Variants in UNC5C observed in about 807,000 individuals in gnomAD.
UNC5C encodes the protein netrin receptor UNC5C.
A neutral mutation model predicts 99.8 loss-of-function variants in UNC5C; 47 were observed. The observed-to-expected ratio is 0.47, with a 90% confidence interval of 0.37 to 0.60. The LOEUF (loss-of-function observed/expected upper bound fraction) is 0.60. Ranked by LOEUF, UNC5C falls within the 20% of genes least tolerant of loss-of-function variation. The pLI, the probability that UNC5C is intolerant of heterozygous loss-of-function variation, is 0.00. For missense variants in UNC5C, 1,062 were observed against 1,165.9 expected, an observed-to-expected ratio of 0.91 and a Z score of 1.30; for synonymous variants, 487 against 452.2, an observed-to-expected ratio of 1.08 and a Z score of -0.98.
At chr4:95,344,255 G>A (rs1299968791) in intron 1 of UNC5C, among the ~76,000 whole-genome samples, 1 of 151,980 alleles carries the variant, frequency 6.6e-6, no homozygotes, top group Non-Finnish European at 1.5e-5. Context: ...ACTTCTCAGT[G>A]GAAACTTTAC....
At chr4:95,385,889 G>T (rs6830864) in intron 1 of UNC5C, among the ~76,000 whole-genome samples, 85,709 of 151,976 alleles carry the variant, frequency 0.56, 24,414 homozygotes, top group East Asian at 0.7. Context: ...ATCAAGCTCT[G>T]TTATAGCATG....
rs945268234 is a variant in UNC5C, at chr4:95,242,216, T to C, written c.1108+213A>G. On this transcript the variant is annotated intron_variant, in intron 7 of 15. Transcript: ENST00000453304. ...ACCCTTGCTCATGAAAAAGCAATAT[T>C]GCATGCCATTTGTTAGCCGGACATA... 3.3e-5 allele frequency among the ~76,000 whole-genome samples: 5 copies of C among 152,332 alleles called. No individual in the cohort carries two copies. In the East Asian group the frequency reaches 9.6e-4, roughly 29 times the overall value.
intron 1 of UNC5C, among the ~76,000 whole-genome samples, chr4:95,355,614 C>G (rs377690971): frequency 6.6e-6 from 1 of 151,876 alleles, no homozygotes; most frequent in Non-Finnish European, 1.5e-5. Flanking sequence ...GCGCCCCACC[C>G]CCCCAGCATG....
intron 1 of UNC5C, among the ~76,000 whole-genome samples, chr4:95,455,186 C>G (rs1010479337): frequency 2.0e-5 from 3 of 151,970 alleles, no homozygotes; most frequent in African/African-American, 7.2e-5. Flanking sequence ...TCACAGAGGT[C>G]AATATTCAAA....
intron 2 of UNC5C, among the ~76,000 whole-genome samples, chr4:95,312,063 A>G (rs1263492543): frequency 6.6e-6 from 1 of 152,084 alleles, no homozygotes; most frequent in African/African-American, 2.4e-5. Context: ...CAAACAAACA[A>G]ACAAAAACAA....
At chr4:95,443,611 C>G (rs977406876) in intron 1 of UNC5C, among the ~76,000 whole-genome samples, 3 of 152,076 alleles carry the variant, frequency 2.0e-5, no homozygotes, top group Non-Finnish European at 4.4e-5. Flanking sequence ...GAAAATTTGA[C>G]ATTTAAAAAT....
intron 1 of UNC5C, among the ~76,000 whole-genome samples, chr4:95,465,520 T>A (rs970843299): frequency 6.6e-6 from 1 of 151,896 alleles, no homozygotes; most frequent in Non-Finnish European, 1.5e-5. Context: ...AGGTGTTTCT[T>A]TTCTTCCATG....
chr4:95,342,488 G>A (rs903594004), intron 1 of UNC5C, among the ~76,000 whole-genome samples: 3 of 151,992 alleles, frequency 2.0e-5, no homozygotes, highest in Admixed American at 1.3e-4. Flanking sequence ...AGAGAACTTA[G>A]GCCCTGAATA....
At chr4:95,464,933 G>T (rs892885644) in intron 1 of UNC5C, among the ~76,000 whole-genome samples, 1 of 152,120 alleles carries the variant, frequency 6.6e-6, no homozygotes, top group Admixed American at 6.5e-5. Flanking sequence ...TGAACCTGAA[G>T]ATCAAATGTT....
intron 1 of UNC5C, among the ~76,000 whole-genome samples, chr4:95,381,887 C>T (rs1170910819): frequency 5.9e-5 from 9 of 152,114 alleles, no homozygotes; most frequent in Non-Finnish European, 1.0e-4. Flanking sequence ...TTATTGATCA[C>T]AACCCTGGAA....
chr4:95,536,722 A>G (rs1236878132), intron 1 of UNC5C, among the ~76,000 whole-genome samples: 3 of 152,218 alleles, frequency 2.0e-5, no homozygotes, highest in Non-Finnish European at 4.4e-5. Flanking sequence ...GTCTGAAAAA[A>G]ATAAAATGGG....
chr4:95,289,217 A>C (rs1371296912), intron 3 of UNC5C, among the ~76,000 whole-genome samples: 2 of 152,182 alleles, frequency 1.3e-5, no homozygotes, highest in African/African-American at 4.8e-5. Context: ...CCAGCCCCTA[A>C]ATCAGCATTG....
At chr4:95,271,566 T>A (rs552435109) in intron 4 of UNC5C, among the ~76,000 whole-genome samples, 2 of 152,326 alleles carry the variant, frequency 1.3e-5, no homozygotes, top group South Asian at 4.1e-4. Flanking sequence ...TTAGGTCATC[T>A]GAATAAAGCT....
intron 3 of UNC5C, among the ~76,000 whole-genome samples, chr4:95,288,003 T>C (rs1741297053): frequency 6.6e-6 from 1 of 152,168 alleles, no homozygotes; most frequent in African/African-American, 2.4e-5. Context: ...CAATTTCCCT[T>C]ATGATATATA....
intron 1 of UNC5C, among the ~76,000 whole-genome samples, chr4:95,422,528 A>G (rs1872130): frequency 0.064 from 9,697 of 151,444 alleles, 389 homozygotes; most frequent in South Asian, 0.12. Flanking sequence ...CATACCCGCC[A>G]CTGATTAGAT....
intron 1 of UNC5C, among the ~76,000 whole-genome samples, chr4:95,533,321 G>A (rs981684194): frequency 2.0e-5 from 3 of 151,828 alleles, no homozygotes. Flanking sequence ...GCTTGAAACC[G>A]GAAGGCAGAG....
intron 1 of UNC5C, among the ~76,000 whole-genome samples, chr4:95,463,060 C>T (rs557079588): frequency 7.9e-5 from 12 of 152,260 alleles, no homozygotes; most frequent in Non-Finnish European, 1.6e-4. Context: ...CAGCTGCCGC[C>T]CTCAAACATG....
intron 12 of UNC5C, among the ~76,000 whole-genome samples, chr4:95,201,609 C>T (rs1446197318): frequency 2.8e-5 from 4 of 144,898 alleles, no homozygotes; most frequent in Non-Finnish European, 4.6e-5. Context: ...AGAGAGTCTT[C>T]TTTTTTTTTT....
chr4:95,518,727 TTG>T lies in UNC5C; in HGVS notation c.124+30005_124+30006del, dbSNP rs1257262324. The stretch of plus-strand genomic sequence containing the variant: ...AAGAAGCAATCAAACAAGATCTACT[TTG>T]TGTGAGGTTTACTTGATTTCAAAGT... On this transcript the variant is annotated intron_variant, in intron 1 of 15. Transcript: ENST00000453304. 2.0e-5 allele frequency among the ~76,000 whole-genome samples: 3 copies of T among 152,330 alleles called. No individual in the cohort carries two copies. In the East Asian group the frequency reaches 5.8e-4, roughly 29 times the overall value.
Sources: allele counts gnomAD v4.1 joint callset (sites outside exome capture counted in the v4.1 genomes callset), GRCh38; gene constraint gnomAD v4.1.1; transcripts MANE v1.5; gene names NCBI Gene and HGNC (gene_info 2026-07-23, HGNC 2026-07-21).